CCDC85A: variants seen among roughly 807,000 people sequenced by gnomAD.
The protein encoded by CCDC85A is coiled-coil domain-containing protein 85A.
A neutral mutation model predicts 50.2 loss-of-function variants in CCDC85A; 38 were observed. That is an observed-to-expected ratio of 0.76 (90% CI 0.58 to 0.99). The LOEUF (loss-of-function observed/expected upper bound fraction) is 0.99. Among genes scored for constraint, CCDC85A ranks in the 50% least tolerant of loss-of-function variants. The pLI is 0.00. For missense variants in CCDC85A, 820 were observed against 742.0 expected (o/e 1.11, Z -1.22); for synonymous variants, 366 against 301.4 (o/e 1.21, Z -2.22).
intron 2 of CCDC85A, among the ~76,000 whole-genome samples, chr2:56,334,840 G>C (rs1376015029): frequency 6.6e-6 from 1 of 152,182 alleles, no homozygotes; most frequent in African/African-American, 2.4e-5. Flanking sequence ...AGCTAAGAGA[G>C]CTCTGGGCCA....
In CCDC85A at chr2:56,384,538, G is replaced by T; in HGVS notation, c.*183G>T. The T allele has an allele frequency of 1.8e-6, 1 of 551,520 alleles. No individual in the cohort carries two copies. The highest frequency in any genetic ancestry group is 3.3e-6 in the Non-Finnish European group (1 of 307,470). 34.2% of individuals were successfully genotyped at this position (551,520 alleles called of 1,614,324 possible). A position where few individuals can be genotyped will look rare whatever the true frequency, so the allele number is the denominator to read the frequency against. On this transcript the variant is annotated 3_prime_UTR_variant, in exon 6 of 6. Coordinates refer to ENST00000407595, the MANE Select transcript of CCDC85A (RefSeq NM_001080433.2). ...TTCTCCCCTCAAGCTGATATTCTGTGTCTCTCACCTCAATGTCCACAACAG... is the reference window on the plus strand; with the variant it reads ...TTCTCCCCTCAAGCTGATATTCTGTTTCTCTCACCTCAATGTCCACAACAG...
At chr2:56,193,505 A>T in intron 2 of CCDC85A, 65 bp downstream of exon 2, 1 of 1,481,586 alleles carries the variant, frequency 6.7e-7, no homozygotes. Context: ...ACGAATGATG[A>T]TGGACTTTCC....
At chr2:56,209,251 G>A (rs1373183257) in intron 2 of CCDC85A, among the ~76,000 whole-genome samples, 1 of 152,094 alleles carries the variant, frequency 6.6e-6, no homozygotes, top group African/African-American at 2.4e-5. Flanking sequence ...CGACCTATTT[G>A]AAAGTAAACA....
chr2:56,226,382 A>G (rs1269380296), intron 2 of CCDC85A, among the ~76,000 whole-genome samples: 1 of 152,188 alleles, frequency 6.6e-6, no homozygotes, highest in African/African-American at 2.4e-5. Context: ...CTCACTGAAT[A>G]TATTTTGAAT....
intron 2 of CCDC85A, among the ~76,000 whole-genome samples, chr2:56,223,016 G>T (rs746546639): frequency 5.3e-5 from 8 of 151,920 alleles, no homozygotes; most frequent in Non-Finnish European, 1.0e-4. Context: ...ACCTACCTAC[G>T]CGTAAGTGCC....
intron 2 of CCDC85A, among the ~76,000 whole-genome samples, chr2:56,202,497 G>A (rs190131849): frequency 2.6e-5 from 4 of 152,192 alleles, no homozygotes; most frequent in Admixed American, 6.5e-5. Flanking sequence ...CAGCCAAAGT[G>A]CTGTGTCCAG....
At chr2:56,329,945 G>GTTTTTTTTTTTTTTTTTTTTTTTTTTTTT (rs535050957) in intron 2 of CCDC85A, among the ~76,000 whole-genome samples, 3 of 44,160 alleles carry the variant, frequency 6.8e-5, no homozygotes, top group Admixed American at 3.1e-4. Context: ...CAGATTTCCT[G>GTTTTTTTTTTTTTTTTTTTTTTTTTTTTT]TTTTTTTTTT....
intron 2 of CCDC85A, among the ~76,000 whole-genome samples, chr2:56,228,775 C>T (rs1384612518): frequency 2.6e-5 from 4 of 152,118 alleles, no homozygotes; most frequent in Admixed American, 1.3e-4. Context: ...CCTAGTGATC[C>T]GCCCGCCTCG....
chr2:56,278,451 C>T (rs995422107), intron 2 of CCDC85A, among the ~76,000 whole-genome samples: 1 of 152,168 alleles, frequency 6.6e-6, no homozygotes, highest in Non-Finnish European at 1.5e-5. Flanking sequence ...AAGTCCAATT[C>T]TGTCTTTTCC....
intron 5 of CCDC85A, among the ~76,000 whole-genome samples, chr2:56,381,612 G>T (rs906469049): frequency 1.3e-5 from 2 of 152,068 alleles, no homozygotes; most frequent in Non-Finnish European, 2.9e-5. Flanking sequence ...AGTGAAGTCA[G>T]GAGTACACCA....
At chr2:56,230,661 T>TA (rs1248116675) in intron 2 of CCDC85A, among the ~76,000 whole-genome samples, 1 of 152,240 alleles carries the variant, frequency 6.6e-6, no homozygotes, top group Non-Finnish European at 1.5e-5. Flanking sequence ...ATCATCCATT[T>TA]AAAAAAATTC....
At chr2:56,344,508 A>C (rs1308697070) in intron 3 of CCDC85A, among the ~76,000 whole-genome samples, 2 of 152,216 alleles carry the variant, frequency 1.3e-5, no homozygotes, top group African/African-American at 4.8e-5. Flanking sequence ...CAAGTAACAG[A>C]AACTGAGGCT....
intron 2 of CCDC85A, among the ~76,000 whole-genome samples, chr2:56,303,625 C>T (rs1672304592): frequency 6.6e-6 from 1 of 152,062 alleles, no homozygotes; most frequent in Admixed American, 6.6e-5. Flanking sequence ...GGAATTGGTC[C>T]TTATGAGAAC....
At chr2:56,230,455 T>C (rs1404030807) in intron 2 of CCDC85A, among the ~76,000 whole-genome samples, 7 of 152,210 alleles carry the variant, frequency 4.6e-5, no homozygotes, top group Admixed American at 6.5e-5. Flanking sequence ...GGAGTTCATA[T>C]TTATTTTCCT....
chr2:56,257,301 G>A (rs1045271403), intron 2 of CCDC85A, among the ~76,000 whole-genome samples: 1 of 152,104 alleles, frequency 6.6e-6, no homozygotes, highest in African/African-American at 2.4e-5. Context: ...GGGGCCCAAC[G>A]TACTGTAGGA....
At chr2:56,302,427 CAAGGGGA>C (rs1553408250) in intron 2 of CCDC85A, among the ~76,000 whole-genome samples, 1 of 151,996 alleles carries the variant, frequency 6.6e-6, no homozygotes, top group Non-Finnish European at 1.5e-5. Context: ...GAATTGAGCT[CAAGGGGA>C]AAGCCACTGA....
intron 2 of CCDC85A, among the ~76,000 whole-genome samples, chr2:56,341,870 G>T (rs77576393): frequency 6.6e-6 from 1 of 151,908 alleles, no homozygotes; most frequent in Non-Finnish European, 1.5e-5. Flanking sequence ...GCTCTTTCAT[G>T]TTTTTTCTGT....
At chr2:56,276,129 A>G (rs142131895) in intron 2 of CCDC85A, among the ~76,000 whole-genome samples, 14 of 152,282 alleles carry the variant, frequency 9.2e-5, no homozygotes, top group African/African-American at 2.4e-4. Flanking sequence ...CCCTCCTTAT[A>G]TTCCTATTAG....
chr2:56,309,519 A>C (rs111520005), intron 2 of CCDC85A, among the ~76,000 whole-genome samples: 6,148 of 152,298 alleles, frequency 0.04, 160 homozygotes, highest in Middle Eastern at 0.085. Flanking sequence ...GTGAGATGTG[A>C]CAAGATTGTG....
Sources: allele counts gnomAD v4.1 joint callset (sites outside exome capture counted in the v4.1 genomes callset), GRCh38; gene constraint gnomAD v4.1.1; transcripts MANE v1.5; gene names NCBI Gene and HGNC (gene_info 2026-07-23, HGNC 2026-07-21).